DYNC2H1: variants seen among roughly 807,000 people sequenced by gnomAD.
DYNC2H1 encodes cytoplasmic dynein 2 heavy chain 1.
In DYNC2H1, 410 loss-of-function variants were observed where a neutral mutation model predicts 570.0. That is an observed-to-expected ratio of 0.72 (90% CI 0.66 to 0.78). The LOEUF (loss-of-function observed/expected upper bound fraction) is 0.78. Ranked by LOEUF, DYNC2H1 falls within the 30% of genes least tolerant of loss-of-function variation. The pLI is 0.00. For synonymous variants in DYNC2H1, 1,688 were observed against 1,677.6 expected (o/e 1.01, Z -0.15); for missense variants, 4,865 against 5,046.4 (o/e 0.96, Z 1.09).
intron 79 of DYNC2H1, among the ~76,000 whole-genome samples, chr11:103,312,283 G>A (rs756289687): frequency 1.3e-5 from 2 of 151,768 alleles, no homozygotes; most frequent in Admixed American, 6.6e-5. Flanking sequence ...TGGAGGCTGA[G>A]GCAGGAGAAT....
At chr11:103,381,967 C>T (rs889854305) in intron 83 of DYNC2H1, among the ~76,000 whole-genome samples, 2 of 152,076 alleles carry the variant, frequency 1.3e-5, no homozygotes, top group African/African-American at 2.4e-5. Context: ...AAATTCAGTA[C>T]GTTTGAAAAC....
chr11:103,416,294 TATAATA>T (rs998826043), intron 84 of DYNC2H1, among the ~76,000 whole-genome samples: 16 of 152,048 alleles, frequency 1.1e-4, no homozygotes, highest in East Asian at 1.9e-4. Context: ...GAACTTAAAC[TATAATA>T]ATAATAATTA....
At chr11:103,287,941 G>T (rs950482059) in intron 75 of DYNC2H1, among the ~76,000 whole-genome samples, 1 of 152,144 alleles carries the variant, frequency 6.6e-6, no homozygotes, top group African/African-American at 2.4e-5. Flanking sequence ...GTCTCCCTGA[G>T]CATTGGGGGT....
chr11:103,476,730 T>TG (rs1268982623), intron 88 of DYNC2H1, among the ~76,000 whole-genome samples: 1 of 152,034 alleles, frequency 6.6e-6, no homozygotes, highest in Non-Finnish European at 1.5e-5. Context: ...CAGTTGTTGG[T>TG]GTGTGGGTAT....
chr11:103,212,504 A>T (rs1453645322), intron 54 of DYNC2H1, among the ~76,000 whole-genome samples: 2 of 152,098 alleles, frequency 1.3e-5, no homozygotes, highest in Admixed American at 6.6e-5. Context: ...CATAATATCC[A>T]AGATTATATT....
rs1483760923 is a variant in DYNC2H1 at position 103,154,466 on chromosome 11, T to C, written c.3318T>C (p.His1106=). The part of the protein sequence containing the change: ...TRKKLVDDCH[H]FRLEEPNFSL... ...GTTTCTATAGTGATGATTGCCATCATTTTAGACTGGAAGAGCCTAATTTCT... is the reference window on the plus strand; with the variant it reads ...GTTTCTATAGTGATGATTGCCATCACTTTAGACTGGAAGAGCCTAATTTCT... The change falls in exon 23 of 89, where the codon CAT becomes CAC. Residue 1106 remains histidine (H), a synonymous_variant. Transcript: ENST00000375735. 1 of 1,540,604 alleles carries C rather than the reference T, an allele frequency of 6.5e-7. No individual in the cohort carries two copies. The highest frequency in any genetic ancestry group is 2.2e-5 in the Admixed American group (1 of 45,538).
Position 103,249,623 on chromosome 11 carries a change from CTG to C in DYNC2H1, c.10043-3661_10043-3660del, listed in dbSNP as rs1223476677. ...AAAAGCAGCACCTGACTACTCTAGACTGAGATCTGGCCAGATTCTAATAGCTT... is the reference window on the plus strand; with the variant it reads ...AAAAGCAGCACCTGACTACTCTAGACAGATCTGGCCAGATTCTAATAGCTT... On this transcript the variant is annotated intron_variant, in intron 65 of 88. Transcript: ENST00000375735. This position sits in a 1 kb window ranked among gnomAD's most constrained non-coding sequence, Gnocchi z 4.6. 1.3e-5 allele frequency among the ~76,000 whole-genome samples: 2 copies of C among 152,012 alleles called. No individual in the cohort carries two copies. Among genetic ancestry groups the C allele is most frequent in the Admixed American group, 1.3e-4 (2 of 15,226 alleles).
intron 84 of DYNC2H1, among the ~76,000 whole-genome samples, chr11:103,425,391 G>A (rs1943630824): frequency 6.6e-6 from 1 of 152,078 alleles, no homozygotes; most frequent in Admixed American, 6.6e-5. Context: ...CCACATTGCA[G>A]GCAGCCAACT....
chr11:103,188,818 T>C (rs1194025092), intron 44 of DYNC2H1, among the ~76,000 whole-genome samples, 170 bp downstream of exon 44: 1 of 152,118 alleles, frequency 6.6e-6, no homozygotes, highest in Non-Finnish European at 1.5e-5. Flanking sequence ...TAATTTAGGA[T>C]GATAAAAGCT....
At chr11:103,124,995 T>A (rs1251261513) in intron 11 of DYNC2H1, 105 bp from the exon 12 acceptor site, 1 of 792,790 alleles carries the variant, frequency 1.3e-6, no homozygotes, top group Non-Finnish European at 1.9e-6. Context: ...TTTTTTTACT[T>A]TGAGCTAATA....
At chr11:103,179,638 T>C (rs898363150) in intron 39 of DYNC2H1, among the ~76,000 whole-genome samples, 2 of 151,798 alleles carry the variant, frequency 1.3e-5, no homozygotes, top group Admixed American at 1.3e-4. Flanking sequence ...ATCTATTTAA[T>C]TTTAGATTCA....
rs77831382 is a variant in DYNC2H1 at position 103,267,545 on chromosome 11, A to G, written c.10695+7568A>G. 3.2e-3 allele frequency among the ~76,000 whole-genome samples: 488 copies of G among 152,180 alleles called. 12 individuals carry two copies. In the East Asian group the frequency reaches 0.036, roughly 11 times the overall value. On this transcript the variant is annotated intron_variant, in intron 70 of 88. Transcript: ENST00000375735. ...TCCTAATTATGAAGATAACCTTCAT[A>G]GTGATAGTTTCATTAGTTATAGATA...
intron 69 of DYNC2H1, among the ~76,000 whole-genome samples, chr11:103,258,261 T>C (rs1865141755): frequency 2.0e-5 from 3 of 152,212 alleles, no homozygotes. Context: ...AGTGTATTAG[T>C]GTATTATGGA....
chr11:103,164,520 G>A (rs180821115), intron 30 of DYNC2H1, among the ~76,000 whole-genome samples: 2 of 152,124 alleles, frequency 1.3e-5, no homozygotes, highest in African/African-American at 4.8e-5. Context: ...TGGTAGAGAG[G>A]GTACTTTTTT....
intron 83 of DYNC2H1, among the ~76,000 whole-genome samples, chr11:103,375,924 A>T (rs2135566134): frequency 6.6e-6 from 1 of 152,172 alleles, no homozygotes; most frequent in African/African-American, 2.4e-5. Context: ...GGGGCCGGGG[A>T]CAGAATGATA....
In DYNC2H1 at chr11:103,201,918, T is replaced by C. The variant is rs1471524788; in HGVS notation, c.8198-1745T>C. Among the ~76,000 whole-genome samples the C allele has an allele frequency of 2.6e-5, 4 of 152,190 alleles. No individual in the cohort carries two copies. Among genetic ancestry groups the C allele is most frequent in the Admixed American group, 6.5e-5 (1 of 15,272 alleles). On this transcript the variant is annotated intron_variant, in intron 50 of 88. Transcript: ENST00000375735. The surrounding 1 kb of genome is among the most constrained non-coding windows in gnomAD (Gnocchi z 4.8). Reference sequence around the variant, plus strand: ...AAACTAGTTTCAATTGTATGGGTGGTATCACTGTGGGGATCAAAGGACAAA... The same window carrying C: ...AAACTAGTTTCAATTGTATGGGTGGCATCACTGTGGGGATCAAAGGACAAA...
At chr11:103,251,093 T>G (rs898875120) in intron 65 of DYNC2H1, among the ~76,000 whole-genome samples, 31 of 152,196 alleles carry the variant, frequency 2.0e-4, no homozygotes, top group African/African-American at 6.7e-4. Flanking sequence ...TAATTTATTT[T>G]TTTTCTTTGC....
chr11:103,138,198 C>T (rs1417210221), intron 17 of DYNC2H1, among the ~76,000 whole-genome samples: 1 of 152,048 alleles, frequency 6.6e-6, no homozygotes, highest in Non-Finnish European at 1.5e-5. Flanking sequence ...CTTCCTCTTT[C>T]CCTAATTGAA....
intron 75 of DYNC2H1, among the ~76,000 whole-genome samples, chr11:103,291,230 G>C (rs1309809337): frequency 6.6e-6 from 1 of 152,134 alleles, no homozygotes; most frequent in East Asian, 1.9e-4. Context: ...CTGAGGTCGG[G>C]AGTTTGAGAC....
Sources: gnomAD v4.1 joint callset for allele counts (sites outside exome capture counted in the v4.1 genomes callset) on GRCh38, gnomAD v4.1.1 for gene constraint, Gnocchi (gnomAD v3.1) non-coding constraint, MANE v1.5 for transcripts, NCBI Gene and HGNC (gene_info 2026-07-23, HGNC 2026-07-21) for gene names.